GPRC6A: variants seen among roughly 807,000 people sequenced by gnomAD.
The protein encoded by GPRC6A is G protein-coupled receptor class C group 6 member A.
Under a neutral mutation model 47.0 loss-of-function variants are expected in GPRC6A, and 54 were observed. The observed-to-expected ratio is 1.15, with a 90% confidence interval of 0.92 to 1.44. The LOEUF (loss-of-function observed/expected upper bound fraction) is 1.44, where lower values mean the gene tolerates loss of function less well. Among genes scored for constraint, GPRC6A ranks in the 40% most tolerant of loss-of-function variants. The pLI is 0.00. For synonymous variants in GPRC6A, 347 were observed against 377.1 expected (o/e 0.92, Z 0.93); for missense variants, 1,112 against 1,105.5 (o/e 1.01, Z -0.08).
At chr6:116,816,895 G>T (rs909023046) in intron 1 of GPRC6A, among the ~76,000 whole-genome samples, 2 of 152,206 alleles carry the variant, frequency 1.3e-5, no homozygotes, top group Non-Finnish European at 2.9e-5. Context: ...TACGCCCACG[G>T]AATCTCACTG....
intron 1 of GPRC6A, among the ~76,000 whole-genome samples, chr6:116,821,993 T>A (rs1425636014): frequency 2.1e-5 from 3 of 144,850 alleles, no homozygotes; most frequent in Non-Finnish European, 4.5e-5. Context: ...GAATCTACAA[T>A]GAACTCAAAC....
At chr6:116,808,638 T>G (rs1772928243) in intron 2 of GPRC6A, among the ~76,000 whole-genome samples, 2 of 152,166 alleles carry the variant, frequency 1.3e-5, no homozygotes, top group Admixed American at 6.6e-5. Flanking sequence ...CTCACTTCTA[T>G]CAGATGGTCA....
intron 1 of GPRC6A, among the ~76,000 whole-genome samples, chr6:116,817,268 C>G (rs1361262662): frequency 6.6e-6 from 1 of 152,174 alleles, no homozygotes; most frequent in African/African-American, 2.4e-5. Context: ...CACCCCCCAG[C>G]AGGGGCACAC....
rs1562481984 is a variant in GPRC6A at position 116,806,830 on chromosome 6, T to C, written c.875A>G (p.Glu292Gly). The C allele has an allele frequency of 6.2e-6, 10 of 1,613,480 alleles. No homozygotes were observed. The highest frequency in any genetic ancestry group is 8.5e-6 in the Non-Finnish European group (10 of 1,179,618). ...AATCCACATCTTATTTATATTCATT[T>C]CAATGGCTTTATTGAAGAGATCAAA... ...HVFDLFNKAIEMNINKMWIAS... is the reference protein window; with the variant it reads ...HVFDLFNKAIGMNINKMWIAS... The change falls in exon 3 of 6, where the codon GAA becomes GGA. Residue 292 changes from glutamate to glycine, a missense_variant. Transcript: ENST00000310357.
At chr6:116,805,028 G>C (rs1772794070) in intron 3 of GPRC6A, among the ~76,000 whole-genome samples, 1 of 151,922 alleles carries the variant, frequency 6.6e-6, no homozygotes, top group African/African-American at 2.4e-5. Context: ...ACATTGTACT[G>C]AACTTGGAAT....
rs1479823363 is a variant in GPRC6A at position 116,806,812 on chromosome 6, A to G, written c.893T>C (p.Met298Thr). ...NKAIEMNINK[M>T]WIASDNWSTA... Reference sequence around the variant, plus strand: ...TGACCAATTATCACTAGCAATCCACATCTTATTTATATTCATTTCAATGGC... The same window carrying G: ...TGACCAATTATCACTAGCAATCCACGTCTTATTTATATTCATTTCAATGGC... Residue 298 changes from methionine (M) to threonine (T), a missense_variant, in exon 3 of 6, where the codon ATG becomes ACG. Transcript: ENST00000310357. 2 of 1,613,530 alleles carry G rather than the reference A, an allele frequency of 1.2e-6. No individual in the cohort carries two copies. Among genetic ancestry groups the G allele is most frequent in the Non-Finnish European group, 1.7e-6 (2 of 1,179,688 alleles).
rs1369588201 is a variant in GPRC6A at position 116,806,424 on chromosome 6, C to T, written c.1281G>A (p.Arg427=). The T allele has an allele frequency of 1.7e-5, 27 of 1,613,136 alleles. No individual in the cohort carries two copies. The highest frequency in any genetic ancestry group is 1.3e-4 in the East Asian group (6 of 44,878). Residue 427 remains arginine (R), a synonymous_variant, in exon 3 of 6, where the codon CGG becomes CGA. Transcript: ENST00000310357. ...GACAGTCACGAGCTTGACACAGATC[C>T]CGAATGGCATAACCAAGGGCAAACA... The part of the protein sequence containing the change: ...LAVFALGYAI[R]DLCQARDCQN...
At chr6:116,817,090 A>G (rs1271602016) in intron 1 of GPRC6A, among the ~76,000 whole-genome samples, 1 of 152,182 alleles carries the variant, frequency 6.6e-6, no homozygotes, top group Admixed American at 6.5e-5. Context: ...GGCAGGGCAC[A>G]GACAAACAAA....
Position 116,800,803 on chromosome 6 carries a change from A to C in GPRC6A, c.1336-7T>G. 6.4e-7 allele frequency: 1 copy of C among 1,569,764 alleles called. No individual in the cohort carries two copies. The highest frequency in any genetic ancestry group is 8.7e-7 in the Non-Finnish European group (1 of 1,143,630). On this transcript the variant is annotated splice_polypyrimidine_tract_variant and splice_region_variant and intron_variant, in intron 3 of 5. Coordinates refer to ENST00000310357, the MANE Select transcript of GPRC6A (RefSeq NM_148963.4). ...TTTTTAGCACACCAAGTAACTATAA[A>C]AAATAAAAACAGAGATAAGCACTTA...
chr6:116,821,248 T>C (rs1276825816), intron 1 of GPRC6A, among the ~76,000 whole-genome samples: 2 of 152,002 alleles, frequency 1.3e-5, no homozygotes, highest in Admixed American at 6.6e-5. Context: ...TGCTCATGGG[T>C]AAGAAGAATC....
In GPRC6A at chr6:116,806,473, A is replaced by T. The variant is rs749070998; in HGVS notation, c.1232T>A (p.Leu411His). The change falls in exon 3 of 6, where the codon CTC becomes CAC. Residue 411 changes from leucine to histidine, a missense_variant. Coordinates refer to ENST00000310357, the MANE Select transcript of GPRC6A (RefSeq NM_148963.4). The stretch of plus-strand genomic sequence containing the variant: ...CACTGCAAGCTGAATACTATGAATG[A>T]GTCCTGGCTCAGCATAGTCCCAGAG... ...DFLWDYAEPG[L>H]IHSIQLAVFA... is the part of the protein sequence containing the mutation. 1.9e-6 allele frequency: 3 copies of T among 1,613,258 alleles called. No individual in the cohort carries two copies. The highest frequency in any genetic ancestry group is 2.7e-5 in the African/African-American group (2 of 74,882).
chr6:116,806,778 G>T lies in GPRC6A; in HGVS notation c.927C>A (p.Thr309=), dbSNP rs756871757. ...TAACATTAGGAATGGTGGTAATCTTGGTGGCAGTTGACCAATTATCACTAG... is the reference window on the plus strand; with the variant it reads ...TAACATTAGGAATGGTGGTAATCTTTGTGGCAGTTGACCAATTATCACTAG... ...WIASDNWSTA[T]KITTIPNVKK... is the part of the protein sequence containing the mutation. Residue 309 remains threonine (T), a synonymous_variant, in exon 3 of 6, where the codon ACC becomes ACA. Transcript: ENST00000310357. The T allele has an allele frequency of 6.2e-7, 1 of 1,613,398 alleles. No individual in the cohort carries two copies. The highest frequency in any genetic ancestry group is 1.3e-5 in the African/African-American group (1 of 74,840).
At chr6:116,801,178 G>A (rs1772663825) in intron 3 of GPRC6A, among the ~76,000 whole-genome samples, 1 of 152,016 alleles carries the variant, frequency 6.6e-6, no homozygotes, top group African/African-American at 2.4e-5. Flanking sequence ...TATCTCCAAT[G>A]GTTCTTAAGT....
Position 116,793,113 on chromosome 6 carries a change from C to T in GPRC6A, c.1810G>A (p.Gly604Arg). ...AILLLILSLL[G>R]IIFVLVVGII... ...CCAACAACCAGAACAAATATGATTC[C>T]CAGTAGGGAGAGAATCAGGAGTAGG... is the stretch of plus-strand genomic sequence containing the variant. Residue 604 changes from glycine (G) to arginine (R), a missense_variant, in exon 6 of 6, where the codon GGA becomes AGA. Physicochemically the swap from Gly to Arg is moderately radical, Grantham distance 125 (BLOSUM62 -2). Transcript: ENST00000310357. 1.2e-6 allele frequency: 2 copies of T among 1,613,914 alleles called. No homozygotes were observed. Among genetic ancestry groups the T allele is most frequent in the Non-Finnish European group, 1.7e-6 (2 of 1,179,894 alleles).
At chr6:116,827,155 G>T (rs1219838102) in intron 1 of GPRC6A, among the ~76,000 whole-genome samples, 1 of 151,896 alleles carries the variant, frequency 6.6e-6, no homozygotes. Context: ...AGTTACTCTA[G>T]TTAGCAACAA....
chr6:116,829,088 A>G (rs977282433), upstream of GPRC6A: 11 of 1,520,766 alleles, frequency 7.2e-6, no homozygotes, highest in Non-Finnish European at 9.7e-6. Context: ...CAAGATTCCT[A>G]TTTCACCTGT....
Position 116,800,778 on chromosome 6 carries a change from T to A in GPRC6A, c.1354A>T (p.Asn452Tyr), listed in dbSNP as rs771720957. 1 of 1,605,864 alleles carries A rather than the reference T, an allele frequency of 6.2e-7. No homozygotes were observed. Among genetic ancestry groups the A allele is most frequent in the South Asian group, 1.1e-5 (1 of 90,974 alleles). The change falls in exon 4 of 6, where the codon AAT becomes TAT. Residue 452 changes from asparagine to tyrosine, a missense_variant. Transcript: ENST00000310357. ...TTCCATCCATCAGTGAATGTCACAT[T>A]TTTTAGCACACCAAGTAACTATAAA... ...QPWELLGVLK[N>Y]VTFTDGWNSF... is the part of the protein sequence containing the mutation.
chr6:116,818,041 A>G (rs1485296530), intron 1 of GPRC6A, among the ~76,000 whole-genome samples: 1 of 152,128 alleles, frequency 6.6e-6, no homozygotes, highest in Non-Finnish European at 1.5e-5. Context: ...CGCCACAAAG[A>G]TACTCCTCGA....
chr6:116,817,725 G>A (rs1402938958), intron 1 of GPRC6A, among the ~76,000 whole-genome samples: 17 of 152,108 alleles, frequency 1.1e-4, no homozygotes, highest in Admixed American at 5.9e-4. Context: ...CGAGAACTAC[G>A]TGAAGAATGC....
Sources: allele counts gnomAD v4.1 joint callset (sites outside exome capture counted in the v4.1 genomes callset), GRCh38; gene constraint gnomAD v4.1.1; transcripts MANE v1.5; gene names NCBI Gene and HGNC (gene_info 2026-07-23, HGNC 2026-07-21).